Variants in URAD observed in about 807,000 individuals in gnomAD.
URAD encodes the protein putative 2-oxo-4-hydroxy-4-carboxy-5-ureidoimidazoline decarboxylase.
URAD carries 4 observed loss-of-function variants against 4.6 expected under a neutral mutation model. The observed-to-expected ratio is 0.87, with a 90% confidence interval of 0.43 to 1.98. The LOEUF (loss-of-function observed/expected upper bound fraction) is 1.98, where lower values mean the gene tolerates loss of function less well. Ranked by LOEUF, URAD falls within the 30% of genes most tolerant of loss-of-function variation. The pLI is 0.03. For missense variants in URAD, 300 were observed against 255.3 expected, an observed-to-expected ratio of 1.18 and a Z score of -1.19; for synonymous variants, 144 against 118.2, an observed-to-expected ratio of 1.22 and a Z score of -1.41.
chr13:27,986,890 TC>T (rs918054513), intron 1 of URAD, among the ~76,000 whole-genome samples: 8 of 152,146 alleles, frequency 5.3e-5, no homozygotes, highest in African/African-American at 1.9e-4. Context: ...GACTGGGCTG[TC>T]CCTGTGAGTC....
intron 1 of URAD, among the ~76,000 whole-genome samples, chr13:27,984,678 G>A (rs1869967428): frequency 1.3e-5 from 2 of 152,122 alleles, no homozygotes; most frequent in Admixed American, 1.3e-4. Context: ...AAGCTAGACT[G>A]TAATAAATCC....
In URAD at chr13:27,977,937, G is replaced by T; in HGVS notation, c.*169C>A. 1.8e-6 allele frequency: 1 copy of T among 558,232 alleles called. No individual in the cohort carries two copies. Among genetic ancestry groups the T allele is most frequent in the Non-Finnish European group, 2.9e-6 (1 of 341,330 alleles). 34.6% of individuals were successfully genotyped at this position (558,232 alleles called of 1,614,324 possible). A position where few individuals can be genotyped will look rare whatever the true frequency, so the allele number is the denominator to read the frequency against. On this transcript the variant is annotated 3_prime_UTR_variant, in exon 2 of 2. Coordinates refer to ENST00000332715, the MANE Select transcript of URAD (RefSeq NM_001105577.2). Reference sequence around the variant, plus strand: ...CAACGCGTGCGCGTGTGGGTGGGCGGACAAAAGGACTCATTACTCGTATGA... The same window carrying T: ...CAACGCGTGCGCGTGTGGGTGGGCGTACAAAAGGACTCATTACTCGTATGA...
At chr13:27,981,021 TCTCTCTC>T (rs879462699) in intron 1 of URAD, among the ~76,000 whole-genome samples, 4,162 of 79,308 alleles carry the variant, frequency 0.052, 75 homozygotes, top group Middle Eastern at 0.1. Flanking sequence ...TCTCTCTCTC[TCTCTCTC>T]CTCTCTCTCT....
intron 1 of URAD, 83 bp downstream of exon 1, chr13:27,988,380 C>T: frequency 7.2e-7 from 1 of 1,388,764 alleles, no homozygotes; most frequent in Non-Finnish European, 9.7e-7. Context: ...GTGTGAGCCA[C>T]CATTCCTGGC....
chr13:27,981,404 G>A lies in URAD; in HGVS notation c.176-2952C>T, dbSNP rs1869874970. On this transcript the variant is annotated intron_variant, in intron 1 of 1. Coordinates refer to ENST00000332715, the MANE Select transcript of URAD (RefSeq NM_001105577.2). Reference sequence around the variant, plus strand: ...CAGTCAGACAGCCCGTGGTTCTCAGGGAATCTAGGTACTGCCCGTTCTTCA... The same window carrying A: ...CAGTCAGACAGCCCGTGGTTCTCAGAGAATCTAGGTACTGCCCGTTCTTCA... Among the ~76,000 whole-genome samples, 3 of 152,196 alleles carry A rather than the reference G, an allele frequency of 2.0e-5. No individual in the cohort carries two copies. The South Asian group carries it at 6.2e-4, about 32-fold the overall frequency.
rs551455569 is a variant in URAD, at chr13:27,988,060, G to C, written c.175+403C>G. On this transcript the variant is annotated intron_variant, in intron 1 of 1. Coordinates refer to ENST00000332715, the MANE Select transcript of URAD (RefSeq NM_001105577.2). ...TGCAATCTCCGCTTCCCAGGCTCAA[G>C]CGATTCTCCTGCCTCAGCCTCCCGA... Among the ~76,000 whole-genome samples, 18 of 152,314 alleles carry C rather than the reference G, an allele frequency of 1.2e-4. No individual in the cohort carries two copies. In the South Asian group the frequency reaches 2.9e-3, roughly 25 times the overall value.
At chr13:27,978,524 G>T (rs1254578338) in intron 1 of URAD, 72 bp from the exon 2 acceptor site, 1 of 1,158,596 alleles carries the variant, frequency 8.6e-7, no homozygotes, top group South Asian at 3.6e-5. Flanking sequence ...TCGAGGGGGC[G>T]CGTAGGCCGC....
In URAD at chr13:27,977,867, C is replaced by A. The variant is rs1417517005; in HGVS notation, c.*239G>T. Reference sequence around the variant, plus strand: ...GGGAGTGAAGAATTGAAGCAGTGAGCTGGATAAATCCGGGGCAAAGCACTA... The same window carrying A: ...GGGAGTGAAGAATTGAAGCAGTGAGATGGATAAATCCGGGGCAAAGCACTA... On this transcript the variant is annotated 3_prime_UTR_variant, in exon 2 of 2. Transcript: ENST00000332715. 4.4e-6 allele frequency: 2 copies of A among 455,290 alleles called. No individual in the cohort carries two copies. The highest frequency in any genetic ancestry group is 7.7e-6 in the Non-Finnish European group (2 of 260,292). The allele number at this position is 455,290 out of a possible 1,614,324, so 28.2% of individuals were successfully genotyped here. A position where few individuals can be genotyped will look rare whatever the true frequency, so the allele number is the denominator to read the frequency against.
intron 1 of URAD, among the ~76,000 whole-genome samples, chr13:27,982,345 C>T (rs1292441156): frequency 2.0e-5 from 3 of 152,094 alleles, no homozygotes; most frequent in East Asian, 1.9e-4. Context: ...TACTTGAACC[C>T]GGGAGGCGGA....
chr13:27,981,861 A>G (rs917101082), intron 1 of URAD, among the ~76,000 whole-genome samples: 1 of 152,258 alleles, frequency 6.6e-6, no homozygotes, highest in Non-Finnish European at 1.5e-5. Context: ...CCCTCATCCC[A>G]TAAACAATAT....
chr13:27,983,461 T>G (rs1402711997), intron 1 of URAD, among the ~76,000 whole-genome samples: 4 of 152,092 alleles, frequency 2.6e-5, no homozygotes, highest in Admixed American at 6.6e-5. Context: ...ACTCCTGACC[T>G]CAAGTGATCC....
Position 27,977,989 on chromosome 13 carries a change from G to T in URAD, c.*117C>A. ...TGCCTCAATTCTCCACTTCCTTTGT[G>T]CACGTGTGTGGACGCTGTTCCAGGC... is the stretch of plus-strand genomic sequence containing the variant. On this transcript the variant is annotated 3_prime_UTR_variant, in exon 2 of 2. Transcript: ENST00000332715. 1 of 811,206 alleles carries T rather than the reference G, an allele frequency of 1.2e-6. No individual in the cohort carries two copies. The highest frequency in any genetic ancestry group is 2.3e-5 in the South Asian group (1 of 43,630). The allele number at this position is 811,206 out of a possible 1,614,324, so 50.3% of individuals were successfully genotyped here.
rs1005874644 is a variant in URAD, at chr13:27,978,017, G to A, written c.*89C>T. 3.5e-6 allele frequency: 4 copies of A among 1,145,738 alleles called. No individual in the cohort carries two copies. The Admixed American group carries it at 1.7e-4, about 47-fold the overall frequency. 71.0% of individuals were successfully genotyped at this position (1,145,738 alleles called of 1,614,324 possible). ...CGTGTGTGGACGCTGTTCCAGGCCC[G>A]AGTCCGCCTCCCGCCCAGGACGCAC... On this transcript the variant is annotated 3_prime_UTR_variant, in exon 2 of 2. Coordinates refer to ENST00000332715, the MANE Select transcript of URAD (RefSeq NM_001105577.2).
chr13:27,983,471 C>A (rs1467835270), intron 1 of URAD, among the ~76,000 whole-genome samples: 2 of 152,126 alleles, frequency 1.3e-5, no homozygotes, highest in African/African-American at 4.8e-5. Flanking sequence ...TCAAGTGATC[C>A]ATCTGCCTCA....
intron 1 of URAD, among the ~76,000 whole-genome samples, chr13:27,985,863 T>C (rs1349277338): frequency 6.6e-6 from 1 of 152,158 alleles, no homozygotes; most frequent in Non-Finnish European, 1.5e-5. Context: ...TATTAGAGGA[T>C]TGAATGAGTT....
intron 1 of URAD, 64 bp from the exon 2 acceptor site, chr13:27,978,516 G>C: frequency 4.2e-6 from 5 of 1,202,014 alleles, no homozygotes; most frequent in Non-Finnish European, 5.2e-6. Flanking sequence ...CCGCGCACTC[G>C]AGGGGGCGCG....
chr13:27,982,262 C>G lies in URAD; in HGVS notation c.176-3810G>C, dbSNP rs549776354. Among the ~76,000 whole-genome samples, 21 of 152,270 alleles carry G rather than the reference C, an allele frequency of 1.4e-4. No individual in the cohort carries two copies. In the South Asian group the frequency reaches 1.9e-3, roughly 14 times the overall value. ...TGACCAACGTGGTGAAACCTCGTCT[C>G]TACTAAAAATACAAAAATTAGCTGG... On this transcript the variant is annotated intron_variant, in intron 1 of 1. Transcript: ENST00000332715.
intron 1 of URAD, among the ~76,000 whole-genome samples, chr13:27,980,008 G>A (rs1475356347): frequency 6.6e-6 from 1 of 152,182 alleles, no homozygotes. Context: ...GCAAGGTTAA[G>A]GAAAGTTCAA....
intron 1 of URAD, 67 bp from the exon 2 acceptor site, chr13:27,978,519 G>A: frequency 8.4e-7 from 1 of 1,187,380 alleles, no homozygotes. Flanking sequence ...CGCACTCGAG[G>A]GGGCGCGTAG....
Sources: allele counts gnomAD v4.1 joint callset (sites outside exome capture counted in the v4.1 genomes callset), GRCh38; gene constraint gnomAD v4.1.1; transcripts MANE v1.5; gene names NCBI Gene and HGNC (gene_info 2026-07-23, HGNC 2026-07-21).